The following TRMT11 variants were observed in gnomAD, a reference collection of about 807,000 sequenced individuals.
TRMT11 encodes the protein tRNA methyltransferase 11.
In TRMT11, 53 loss-of-function variants were observed where a neutral mutation model predicts 62.8. That is an observed-to-expected ratio of 0.84 (90% confidence interval 0.68 to 1.06). TRMT11 has a LOEUF of 1.06. Ranked by LOEUF, TRMT11 falls within the 50% of genes least tolerant of loss-of-function variation. The pLI is 0.00. For missense variants in TRMT11, 556 were observed against 553.4 expected, an observed-to-expected ratio of 1.00 and a Z score of -0.05; for synonymous variants, 188 against 190.3, an observed-to-expected ratio of 0.99 and a Z score of 0.10.
chr6:126,100,658 G>GC (rs1777388314), intron 17 of TRMT11, among the ~76,000 whole-genome samples: 1 of 152,206 alleles, frequency 6.6e-6, no homozygotes, highest in African/African-American at 2.4e-5. Flanking sequence ...ACAACAGCAG[G>GC]CCCCAACCTT....
In TRMT11 at chr6:126,098,043, G is replaced by C. The variant is rs1220105314; in HGVS notation, c.*1438-14823G>C. 2.0e-5 allele frequency among the ~76,000 whole-genome samples: 3 copies of C among 152,100 alleles called. No individual in the cohort carries two copies. In the East Asian group the frequency reaches 5.8e-4, roughly 29 times the overall value. ...AGAACACTAACTGGAAGAGCATGTG[G>C]TCTAGCCTGGAGTTTCCCCACTGTT... On this transcript the variant is annotated intron_variant and NMD_transcript_variant, in intron 17 of 22. Transcript: ENST00000648977.
At chr6:126,082,746 A>G (rs961272698) in intron 17 of TRMT11, among the ~76,000 whole-genome samples, 1 of 152,148 alleles carries the variant, frequency 6.6e-6, no homozygotes, top group African/African-American at 2.4e-5. Context: ...TTGGAATTTT[A>G]TGTCCTATTT....
the TRMT11 span, among the ~76,000 whole-genome samples, chr6:126,266,242 A>C: frequency 1.3e-5 from 2 of 152,306 alleles, no homozygotes; most frequent in African/African-American, 4.8e-5. Flanking sequence ...CCTTATGAGA[A>C]TAGTCCTAAG....
the TRMT11 span, among the ~76,000 whole-genome samples, chr6:126,266,155 CTGA>C: frequency 0.21 from 31,840 of 151,982 alleles, 4,282 homozygotes; most frequent in East Asian, 0.52. Context: ...ATGACCAACC[CTGA>C]TGACTCAGCT....
At position 126,078,391 on chromosome 6, in the gene TRMT11, TAGAA is replaced by T. The variant is rs369911037; in HGVS notation, c.*1437+25204_*1437+25207del. 1.2e-3 allele frequency among the ~76,000 whole-genome samples: 188 copies of T among 151,280 alleles called. 1 individual carries two copies. The highest frequency in any genetic ancestry group is 4.2e-3 in the African/African-American group (173 of 40,922). ...ACTGCATCTGGTTTGCATTTTTTAT[TAGAA>T]AGGTTTTTTTTTTTTTGAGTTGGAC... On this transcript the variant is annotated intron_variant and NMD_transcript_variant, in intron 17 of 22. Coordinates refer to the TRMT11 transcript ENST00000648977.
At chr6:126,127,799 G>T (rs9491562) in intron 21 of TRMT11, among the ~76,000 whole-genome samples, 76,421 of 151,560 alleles carry the variant, frequency 0.5, 20,037 homozygotes, top group African/African-American at 0.58. Context: ...AGTTTTCTGT[G>T]AGGGAGAATA....
At chr6:126,128,422 G>A (rs1345727883) in intron 21 of TRMT11, among the ~76,000 whole-genome samples, 1 of 152,008 alleles carries the variant, frequency 6.6e-6, no homozygotes, top group Non-Finnish European at 1.5e-5. Flanking sequence ...GAATAATTCT[G>A]CCTCATTTCT....
At chr6:126,000,070 A>G (rs184773251) in intron 7 of TRMT11, among the ~76,000 whole-genome samples, 1 of 152,260 alleles carries the variant, frequency 6.6e-6, no homozygotes, top group East Asian at 1.9e-4. Context: ...CCTATCTTTG[A>G]GTTGGTTTAT....
rs761950878 is a variant in TRMT11 at position 125,998,673 on chromosome 6, T to G, written c.511T>G (p.Phe171Val). ...CIPENPHNIY[F>V]GRWIADGQRE... ...CCCTGAGAATCCACATAATATTTAT[T>G]TTGGTAGATGGGTGAGCAAGTTTTC... The change falls in exon 6 of 13, where the codon TTT becomes GTT. Residue 171 changes from phenylalanine to valine, a missense_variant. Phe to Val is a conservative substitution (Grantham distance 50). Transcript: ENST00000334379. 4 of 1,611,828 alleles carry G rather than the reference T, an allele frequency of 2.5e-6. No individual in the cohort carries two copies. In the Admixed American group the frequency reaches 6.7e-5, roughly 27 times the overall value.
At chr6:126,087,330 GA>G (rs1408600749) in intron 17 of TRMT11, among the ~76,000 whole-genome samples, 1 of 151,606 alleles carries the variant, frequency 6.6e-6, no homozygotes, top group African/African-American at 2.4e-5. Flanking sequence ...GCAAATTAAA[GA>G]AAAAAAATTC....
Position 126,105,407 on chromosome 6 carries a change from A to G in TRMT11, c.*1438-7459A>G, listed in dbSNP as rs188127210. On this transcript the variant is annotated intron_variant and NMD_transcript_variant, in intron 17 of 22. Coordinates refer to the TRMT11 transcript ENST00000648977. Reference sequence around the variant, plus strand: ...CAATTTATCCAAAATTATGAACAATAAAACTTTTCATTTTTCTGGCAGTCA... The same window carrying G: ...CAATTTATCCAAAATTATGAACAATGAAACTTTTCATTTTTCTGGCAGTCA... Among the ~76,000 whole-genome samples the G allele has an allele frequency of 2.0e-5, 3 of 152,314 alleles. No homozygotes were observed. In the East Asian group the frequency reaches 5.8e-4, roughly 29 times the overall value.
At chr6:126,061,035 G>A (rs2128126191) in intron 17 of TRMT11, among the ~76,000 whole-genome samples, 1 of 152,332 alleles carries the variant, frequency 6.6e-6, no homozygotes, top group East Asian at 1.9e-4. Flanking sequence ...TGGAAGTGCT[G>A]GTGAGAAGTA....
chr6:126,024,713 C>T (rs982128865), intron 12 of TRMT11, among the ~76,000 whole-genome samples: 1 of 152,196 alleles, frequency 6.6e-6, no homozygotes, highest in African/African-American at 2.4e-5. Flanking sequence ...CTAACCATCA[C>T]CAGTGTCCAT....
intron 12 of TRMT11, among the ~76,000 whole-genome samples, chr6:126,027,278 G>A (rs1423387867): frequency 6.6e-6 from 1 of 152,146 alleles, no homozygotes; most frequent in Non-Finnish European, 1.5e-5. Context: ...TAATAGTTAC[G>A]TTTTCAATGA....
the TRMT11 span, among the ~76,000 whole-genome samples, chr6:126,210,112 T>C: frequency 1.3e-5 from 2 of 152,204 alleles, no homozygotes; most frequent in African/African-American, 4.8e-5. Context: ...AGATGTGACT[T>C]AGGTCCCTAG....
chr6:126,114,768 AT>A (rs1316044423), intron 19 of TRMT11, among the ~76,000 whole-genome samples: 1 of 152,032 alleles, frequency 6.6e-6, no homozygotes, highest in African/African-American at 2.4e-5. Flanking sequence ...CAAATATTTT[AT>A]TTGTTATTCA....
rs1777973888 is a variant in TRMT11 at position 126,146,314 on chromosome 6, A to G, written c.*1824-28511A>G. Among the ~76,000 whole-genome samples the G allele has an allele frequency of 2.0e-5, 3 of 152,220 alleles. No individual in the cohort carries two copies. The South Asian group carries it at 6.2e-4, about 32-fold the overall frequency. ...CCTAGCTCTAATATGGACACTGAGT[A>G]TCCTCATCATGAGACATGTTTTGTG... On this transcript the variant is annotated intron_variant and NMD_transcript_variant, in intron 21 of 22. Coordinates refer to the TRMT11 transcript ENST00000648977.
downstream of TRMT11, among the ~76,000 whole-genome samples, chr6:126,042,777 A>G (rs1775917716): frequency 6.6e-6 from 1 of 152,202 alleles, no homozygotes; most frequent in Non-Finnish European, 1.5e-5. Context: ...ATTAAAAGAA[A>G]AGGAAAAAGG....
At chr6:126,064,998 C>A (rs1355574099) in intron 17 of TRMT11, among the ~76,000 whole-genome samples, 1 of 150,384 alleles carries the variant, frequency 6.6e-6, no homozygotes, top group Non-Finnish European at 1.5e-5. Flanking sequence ...GCTGATCCCC[C>A]AGGCAGCGTT....
Sources: gnomAD v4.1 joint callset for allele counts (sites outside exome capture counted in the v4.1 genomes callset) on GRCh38, gnomAD v4.1.1 for gene constraint, MANE v1.5 for transcripts, NCBI Gene and HGNC (gene_info 2026-07-23, HGNC 2026-07-21) for gene names.